Variants in AMN1 observed in about 807,000 individuals in gnomAD.
AMN1 encodes antagonist of mitotic exit network 1 homolog, also known as protein AMN1 homolog.
AMN1 carries 20 observed loss-of-function variants against 33.0 expected under a neutral mutation model. The ratio of observed to expected loss-of-function variants is 0.61; its 90% CI spans 0.43 to 0.88. The LOEUF (loss-of-function observed/expected upper bound fraction) is 0.88. Ranked by LOEUF, AMN1 falls within the 40% of genes least tolerant of loss-of-function variation. The pLI is 0.00. For missense variants in AMN1, 246 were observed against 307.4 expected (o/e 0.80, Z 1.49); for synonymous variants, 114 against 111.9 (o/e 1.02, Z -0.12).
Position 31,683,435 on chromosome 12 carries a change from AG to A in AMN1, c.703+5571del, listed in dbSNP as rs1446224774. 6.6e-6 allele frequency among the ~76,000 whole-genome samples: 1 copy of A among 152,240 alleles called. No individual in the cohort carries two copies. ...TGGAACACCATTTTTACTTTTTAAA[AG>A]AATGATTGATATGGTTTGACTGTGT... On this transcript the variant is annotated intron_variant, in intron 6 of 6. Coordinates refer to ENST00000281471, the MANE Select transcript of AMN1 (RefSeq NM_001113402.2). The surrounding 1 kb of genome is among the most constrained non-coding windows in gnomAD (Gnocchi z 4.1).
Position 31,672,111 on chromosome 12 carries a change from T to C in AMN1, c.*193A>G. On this transcript the variant is annotated 3_prime_UTR_variant, in exon 7 of 7. Transcript: ENST00000281471. ...CAACAGATATAGAATAATAGCACTT[T>C]AAAGATGTTTAAGAGTAAAGCACAA... 2.0e-6 allele frequency: 1 copy of C among 507,358 alleles called. No individual in the cohort carries two copies. The highest frequency in any genetic ancestry group is 3.5e-6 in the Non-Finnish European group (1 of 284,638). The allele number at this position is 507,358 out of a possible 1,614,324, so 31.4% of individuals were successfully genotyped here.
intron 6 of AMN1, among the ~76,000 whole-genome samples, chr12:31,677,815 C>T (rs1365499136): frequency 5.9e-5 from 9 of 152,166 alleles, no homozygotes; most frequent in Non-Finnish European, 1.5e-5. Flanking sequence ...ACCCTTTTCC[C>T]CAAAGGAAGA....
chr12:31,703,503 G>C (rs1939095799), intron 2 of AMN1, among the ~76,000 whole-genome samples: 2 of 151,980 alleles, frequency 1.3e-5, no homozygotes, highest in South Asian at 2.1e-4. Context: ...CTTTATGTCT[G>C]TGTGCACCCA....
chr12:31,683,050 C>T lies in AMN1; in HGVS notation c.703+5957G>A, dbSNP rs971183034. On this transcript the variant is annotated intron_variant, in intron 6 of 6. Transcript: ENST00000281471. This position sits in a 1 kb window ranked among gnomAD's most constrained non-coding sequence, Gnocchi z 4.1. ...CAATCTTGGCTAATTGCAACCTCTG[C>T]CCCCCAGGCTCAAGTGATCCTCATG... 6.7e-6 allele frequency among the ~76,000 whole-genome samples: 1 copy of T among 149,430 alleles called. No individual in the cohort carries two copies. Among genetic ancestry groups the T allele is most frequent in the African/African-American group, 2.5e-5 (1 of 40,774 alleles).
At chr12:31,697,698 T>C (rs1421828405) in intron 4 of AMN1, 42 bp downstream of exon 4, 3 of 1,559,786 alleles carry the variant, frequency 1.9e-6, no homozygotes, top group Non-Finnish European at 2.7e-6. Flanking sequence ...ATACATTTGG[T>C]AAACACATAG....
At chr12:31,714,880 A>T (rs1939609646) in intron 1 of AMN1, 2 of 978,444 alleles carry the variant, frequency 2.0e-6, no homozygotes, top group Non-Finnish European at 2.4e-6. Context: ...TTAACTTATT[A>T]CCTGAACAGA....
At chr12:31,676,888 G>A (rs1432496462) in intron 6 of AMN1, among the ~76,000 whole-genome samples, 1 of 151,830 alleles carries the variant, frequency 6.6e-6, no homozygotes, top group African/African-American at 2.4e-5. Flanking sequence ...CATGAAGATA[G>A]AGTATTTAGG....
intron 3 of AMN1, among the ~76,000 whole-genome samples, chr12:31,699,064 C>T (rs1473322880): frequency 6.6e-6 from 1 of 151,844 alleles, no homozygotes; most frequent in Non-Finnish European, 1.5e-5. Context: ...GGGTCAGGGA[C>T]GGCAGGGAAT....
intron 6 of AMN1, among the ~76,000 whole-genome samples, chr12:31,685,795 A>G (rs1360961446): frequency 7.5e-6 from 1 of 134,218 alleles, no homozygotes; most frequent in African/African-American, 2.8e-5. Flanking sequence ...AGCAAGACTC[A>G]TTATCAAAAA....
At chr12:31,709,189 A>T (rs1352219232) in intron 2 of AMN1, 104 bp downstream of exon 2, 5 of 1,348,880 alleles carry the variant, frequency 3.7e-6, no homozygotes, top group Admixed American at 2.0e-5. Flanking sequence ...AAAAAAAATT[A>T]AAAATGATTA....
chr12:31,684,969 G>A (rs565897343), intron 6 of AMN1, among the ~76,000 whole-genome samples: 1 of 151,634 alleles, frequency 6.6e-6, no homozygotes, highest in East Asian at 1.9e-4. Flanking sequence ...TGCTTCTTAA[G>A]TGAGTTACAT....
In AMN1 at chr12:31,723,192, A is replaced by T. The variant is rs560988240; in HGVS notation, c.38+5779T>A. Among the ~76,000 whole-genome samples the T allele has an allele frequency of 2.0e-5, 3 of 152,098 alleles. No homozygotes were observed. In the East Asian group the frequency reaches 5.8e-4, roughly 29 times the overall value. The stretch of plus-strand genomic sequence containing the variant: ...GAAAGAAATCAAATTTTATTGGAAC[A>T]CTGCCTTTGACTGACACACACACAA... On this transcript the variant is annotated intron_variant, in intron 1 of 6. Transcript: ENST00000281471.
chr12:31,698,602 C>T lies in AMN1; in HGVS notation c.317-645G>A, dbSNP rs148578508. On this transcript the variant is annotated intron_variant, in intron 3 of 6. Transcript: ENST00000281471. ...GGTGCACATAAATAAAAGAGTACTT[C>T]GGGGATCCTGGGCCCTTTGGTCATA... Among the ~76,000 whole-genome samples, 13 of 152,186 alleles carry T rather than the reference C, an allele frequency of 8.5e-5. No individual in the cohort carries two copies. The East Asian group carries it at 2.1e-3, about 25-fold the overall frequency.
At chr12:31,703,016 C>T (rs1939074574) in intron 2 of AMN1, among the ~76,000 whole-genome samples, 3 of 152,236 alleles carry the variant, frequency 2.0e-5, no homozygotes, top group African/African-American at 4.8e-5. Flanking sequence ...GGATTACAGG[C>T]GTGAGCCACT....
intron 6 of AMN1, among the ~76,000 whole-genome samples, chr12:31,679,313 G>A (rs1160607490): frequency 1.3e-5 from 2 of 152,062 alleles, no homozygotes; most frequent in Non-Finnish European, 2.9e-5. Flanking sequence ...GCTCACCTGA[G>A]GTCAGGAGTT....
At chr12:31,676,019 T>C (rs1427009592) in intron 6 of AMN1, among the ~76,000 whole-genome samples, 1 of 151,774 alleles carries the variant, frequency 6.6e-6, no homozygotes, top group Non-Finnish European at 1.5e-5. Context: ...AAGAACAATA[T>C]ATAAAAATCA....
rs1397471888 is a variant in AMN1, at chr12:31,689,056, G to GT, written c.653dup (p.Tyr218Ter). 6 of 1,613,486 alleles carry GT rather than the reference G, an allele frequency of 3.7e-6. 1 individual carries two copies. In the Admixed American group the frequency reaches 8.3e-5, roughly 22 times the overall value. ...TDGAVEAVLTYCPQIRILLFH... is the reference protein window; with the variant it reads ...TDGAVEAVLT ...AGAGTAATATACGTATTTGAGGACA[G>GT]TAAGTAAGGACAGCTTCGACAGCCC... Residue 218 changes from tyrosine (Y) to a stop codon, truncating the protein, a stop_gained and frameshift_variant, in exon 6 of 7, where the codon TAC becomes TAAC. Coordinates refer to ENST00000281471, the MANE Select transcript of AMN1 (RefSeq NM_001113402.2). LOFTEE classifies it high-confidence loss of function.
chr12:31,709,370 A>G lies in AMN1; in HGVS notation c.94T>C (p.Leu32=), dbSNP rs556657531. Residue 32 remains leucine (L), a synonymous_variant, in exon 2 of 7, where the codon TTG becomes CTG. Transcript: ENST00000281471. ...AGTCTGTCTTTTATGTTGGGAGGCA[A>G]AGGCTTAATGTCTGTGAGATATCTG... ...ISRYLTDIKP[L]PPNIKDRLIK... 1.2e-6 allele frequency: 2 copies of G among 1,613,890 alleles called. No homozygotes were observed. The highest frequency in any genetic ancestry group is 2.2e-5 in the South Asian group (2 of 91,082).
Position 31,697,396 on chromosome 12 carries a change from C to T in AMN1, c.556G>A (p.Ala186Thr). The change falls in exon 5 of 7, where the codon GCA becomes ACA. Residue 186 changes from alanine to threonine, a missense_variant. By Grantham distance (58) the Ala-to-Thr change is moderately conservative. Coordinates refer to ENST00000281471, the MANE Select transcript of AMN1 (RefSeq NM_001113402.2). ...TTCGCACAAGGTCCACTAACAAGTGCAATCACACCACTGTCAGATACCTAA... is the reference window on the plus strand; with the variant it reads ...TTCGCACAAGGTCCACTAACAAGTGTAATCACACCACTGTCAGATACCTAA... ...ATQVSDSGVI[A>T]LVSGPCAKKL... The T allele has an allele frequency of 6.2e-7, 1 of 1,612,838 alleles. No individual in the cohort carries two copies. Among genetic ancestry groups the T allele is most frequent in the Non-Finnish European group, 8.5e-7 (1 of 1,179,254 alleles).
Sources: gnomAD v4.1 joint callset for allele counts (sites outside exome capture counted in the v4.1 genomes callset) on GRCh38, gnomAD v4.1.1 for gene constraint, Gnocchi (gnomAD v3.1) non-coding constraint, MANE v1.5 for transcripts, NCBI Gene and HGNC (gene_info 2026-07-23, HGNC 2026-07-21) for gene names.